Variants in LRP1B observed in about 807,000 individuals in gnomAD.
LRP1B encodes the protein low-density lipoprotein receptor-related protein 1B.
Under a neutral mutation model 556.6 loss-of-function variants are expected in LRP1B, and 217 were observed. That is an observed-to-expected ratio of 0.39 (90% CI 0.35 to 0.44). The LOEUF is 0.44. Among genes scored for constraint, LRP1B ranks in the 20% least tolerant of loss-of-function variants. The pLI is 1.00. For missense variants in LRP1B, 5,053 were observed against 5,620.8 expected, an observed-to-expected ratio of 0.90 and a Z score of 3.23; for synonymous variants, 2,047 against 1,865.8, an observed-to-expected ratio of 1.10 and a Z score of -2.50.
chr2:140,598,134 C>T (rs1023216526), intron 43 of LRP1B, among the ~76,000 whole-genome samples: 2 of 152,170 alleles, frequency 1.3e-5, no homozygotes, highest in Non-Finnish European at 2.9e-5. Flanking sequence ...ACTAACATTT[C>T]ATTTTGAACC....
chr2:140,375,173 A>ATGTGTG (rs34597866), intron 68 of LRP1B, among the ~76,000 whole-genome samples: 168 of 144,218 alleles, frequency 1.2e-3, no homozygotes, highest in African/African-American at 3.8e-3. Flanking sequence ...TACTGTGTGT[A>ATGTGTG]TGTGTGTGTG....
rs1012067579 is a variant in LRP1B, at chr2:140,479,375, C to T, written c.9426-4038G>A. On this transcript the variant is annotated intron_variant, in intron 59 of 90. Transcript: ENST00000389484. ...CCGTGAAAATGTTGAAAGAAGAGAT[C>T]TAAATTGCACCCAGATAATATGCAA... Among the ~76,000 whole-genome samples, 6 of 152,204 alleles carry T rather than the reference C, an allele frequency of 3.9e-5. No homozygotes were observed. The South Asian group carries it at 6.2e-4, about 16-fold the overall frequency.
At chr2:141,408,716 C>CACTGATTTATTTCACTCTGAAT (rs1486555563) in intron 3 of LRP1B, among the ~76,000 whole-genome samples, 1 of 151,818 alleles carries the variant, frequency 6.6e-6, no homozygotes, top group Non-Finnish European at 1.5e-5. Context: ...CTCTATTAAA[C>CACTGATTTATTTCACTCTGAAT]ACTGATTTAT....
chr2:141,727,044 A>G (rs1329109114), intron 2 of LRP1B, among the ~76,000 whole-genome samples: 1 of 152,118 alleles, frequency 6.6e-6, no homozygotes, highest in Non-Finnish European at 1.5e-5. Context: ...TATAACTGAC[A>G]CAGGAAAAAA....
chr2:142,121,901 A>G (rs1465358731), intron 1 of LRP1B, among the ~76,000 whole-genome samples: 1 of 3,190 alleles, frequency 3.1e-4, no homozygotes, highest in African/African-American at 5.2e-4. Flanking sequence ...TTCAGCAAGA[A>G]AAAAAAAATT....
At chr2:140,549,788 G>C (rs1247102185) in intron 43 of LRP1B, among the ~76,000 whole-genome samples, 1 of 151,998 alleles carries the variant, frequency 6.6e-6, no homozygotes, top group East Asian at 1.9e-4. Context: ...TGGGGAGATG[G>C]TGGCGGCCTT....
chr2:140,274,444 G>A lies in LRP1B; in HGVS notation c.13122C>T (p.Asp4374=), dbSNP rs1357563113. ...CHGGHCIINK[D]SEDIFCNCTN... ...CTTACTTGCAAAATATATCTTCACTGTCTTTATTTATAATGCAGTGCCCCC... is the reference window on the plus strand; with the variant it reads ...CTTACTTGCAAAATATATCTTCACTATCTTTATTTATAATGCAGTGCCCCC... Residue 4374 remains aspartate (D), a synonymous_variant, in exon 85 of 91, where the codon GAC becomes GAT. Transcript: ENST00000389484. 2.5e-6 allele frequency: 4 copies of A among 1,612,294 alleles called. No homozygotes were observed. Among genetic ancestry groups the A allele is most frequent in the East Asian group, 2.2e-5 (1 of 44,786 alleles).
intron 3 of LRP1B, among the ~76,000 whole-genome samples, chr2:141,341,666 A>C (rs1688060459): frequency 6.6e-6 from 1 of 152,216 alleles, no homozygotes; most frequent in Non-Finnish European, 1.5e-5. Context: ...CATATAACTC[A>C]TCCCCAAAGA....
intron 11 of LRP1B, among the ~76,000 whole-genome samples, chr2:141,043,430 A>G (rs1044910659): frequency 1.3e-5 from 2 of 151,830 alleles, no homozygotes; most frequent in South Asian, 2.1e-4. Flanking sequence ...TTCAACCCAC[A>G]TTATCCCTAT....
chr2:142,030,293 T>C (rs1703644903), intron 1 of LRP1B, among the ~76,000 whole-genome samples: 1 of 151,942 alleles, frequency 6.6e-6, no homozygotes, highest in Non-Finnish European at 1.5e-5. Context: ...AGTCAATATT[T>C]ACTTCTTATG....
At chr2:140,347,552 T>C (rs2105109276) in intron 77 of LRP1B, among the ~76,000 whole-genome samples, 1 of 152,038 alleles carries the variant, frequency 6.6e-6, no homozygotes, top group East Asian at 1.9e-4. Context: ...AATAATATTC[T>C]TCTGGTTTTT....
chr2:141,651,438 C>A (rs1181437140), intron 2 of LRP1B, among the ~76,000 whole-genome samples: 1 of 152,078 alleles, frequency 6.6e-6, no homozygotes, highest in Non-Finnish European at 1.5e-5. Flanking sequence ...CGGAGGCAGG[C>A]AGATCACTTG....
intron 41 of LRP1B, among the ~76,000 whole-genome samples, chr2:140,612,655 T>G (rs977416516): frequency 3.3e-5 from 5 of 152,132 alleles, no homozygotes; most frequent in African/African-American, 1.2e-4. Flanking sequence ...TGAAACTCAG[T>G]GATTGAGCGC....
intron 41 of LRP1B, among the ~76,000 whole-genome samples, chr2:140,687,003 C>G (rs1384581130): frequency 6.6e-6 from 1 of 151,836 alleles, no homozygotes; most frequent in East Asian, 1.9e-4. Context: ...TTACAGGATG[C>G]AGGTAAAGAA....
chr2:141,722,729 C>CATAGATAGATAG (rs58081113), intron 2 of LRP1B, among the ~76,000 whole-genome samples: 1,750 of 146,078 alleles, frequency 0.012, 18 homozygotes, highest in Middle Eastern at 0.014. Context: ...CAGATAGATA[C>CATAGATAGATAG]ATAGATAGAT....
chr2:140,621,227 A>G (rs547386811), intron 41 of LRP1B, among the ~76,000 whole-genome samples: 6 of 148,316 alleles, frequency 4.0e-5, no homozygotes, highest in Non-Finnish European at 9.0e-5. Context: ...TAAAAATACA[A>G]AAAAAAAAAT....
At chr2:140,613,767 C>G (rs1292026911) in intron 41 of LRP1B, among the ~76,000 whole-genome samples, 1 of 152,036 alleles carries the variant, frequency 6.6e-6, no homozygotes, top group Non-Finnish European at 1.5e-5. Flanking sequence ...AATGTGCCTG[C>G]CCCAGAAAAG....
At position 141,397,940 on chromosome 2, in the gene LRP1B, A is replaced by G. The variant is rs1355956948; in HGVS notation, c.343+82456T>C. Among the ~76,000 whole-genome samples, 6 of 151,914 alleles carry G rather than the reference A, an allele frequency of 3.9e-5. No individual in the cohort carries two copies. The East Asian group carries it at 9.6e-4, about 24-fold the overall frequency. On this transcript the variant is annotated intron_variant, in intron 3 of 90. Transcript: ENST00000389484. The stretch of plus-strand genomic sequence containing the variant: ...TGCATATGTATATATATTTTTAAAC[A>G]TCAGAGAGTTTAATGTCTAGATGGG...
intron 1 of LRP1B, among the ~76,000 whole-genome samples, chr2:141,937,403 T>TA (rs554837435): frequency 3.5e-4 from 52 of 147,810 alleles, no homozygotes; most frequent in South Asian, 1.5e-3. Context: ...ATAATAATAA[T>TA]AAAATAAAAA....
Sources: allele counts gnomAD v4.1 joint callset (sites outside exome capture counted in the v4.1 genomes callset), GRCh38; gene constraint gnomAD v4.1.1; transcripts MANE v1.5; gene names NCBI Gene and HGNC (gene_info 2026-07-23, HGNC 2026-07-21).